CYRIB: variants seen among roughly 807,000 people sequenced by gnomAD.
The protein encoded by CYRIB is CYFIP related Rac1 interactor B.
Under a neutral mutation model 44.2 loss-of-function variants are expected in CYRIB, and 8 were observed. The observed-to-expected ratio is 0.18, with a 90% CI of 0.11 to 0.33. CYRIB has a LOEUF of 0.33. Ranked by LOEUF, CYRIB falls within the 10% of genes least tolerant of loss-of-function variation. The pLI, the probability that CYRIB is intolerant of heterozygous loss-of-function variation, is 1.00. For synonymous variants in CYRIB, 131 were observed against 127.2 expected, an observed-to-expected ratio of 1.03 and a Z score of -0.20; for missense variants, 185 against 382.8, an observed-to-expected ratio of 0.48 and a Z score of 4.31.
chr8:129,887,780 G>A, intron 2 of CYRIB, among the ~76,000 whole-genome samples: 1 of 152,232 alleles, frequency 6.6e-6, no homozygotes, highest in Non-Finnish European at 1.5e-5. Flanking sequence ...TTTCAGATGT[G>A]TATCAGGCTT....
rs112374684 is a variant in CYRIB, at chr8:129,994,272, G to C, written c.-296+22098C>G. Among the ~76,000 whole-genome samples the C allele has an allele frequency of 1.1e-3, 168 of 151,572 alleles. 1 individual carries two copies. Among genetic ancestry groups the C allele is most frequent in the African/African-American group, 3.7e-3 (153 of 41,142 alleles). On this transcript the variant is annotated intron_variant, in intron 1 of 14. Transcript: ENST00000401979. The stretch of plus-strand genomic sequence containing the variant: ...ACTGCCCCAAAACTCCAGAAGCTGG[G>C]GGGGGTGGCATGGAACAGACTCTCC...
chr8:129,848,936 G>A (rs902693388), intron 10 of CYRIB, among the ~76,000 whole-genome samples: 11 of 152,176 alleles, frequency 7.2e-5, no homozygotes, highest in African/African-American at 2.7e-4. Context: ...TTTGGCCAAA[G>A]GAATTAAAGG....
intron 2 of CYRIB, among the ~76,000 whole-genome samples, chr8:129,957,458 A>G (rs1355973126): frequency 6.6e-6 from 1 of 152,258 alleles, no homozygotes; most frequent in African/African-American, 2.4e-5. Context: ...GAAGAAAAGC[A>G]GACACAAGAA....
intron 2 of CYRIB, among the ~76,000 whole-genome samples, chr8:129,880,201 CTAAAT>C (rs1228364203): frequency 6.6e-6 from 1 of 152,170 alleles, no homozygotes; most frequent in African/African-American, 2.4e-5. Flanking sequence ...AAATGAAAAA[CTAAAT>C]TATACATATG....
At chr8:129,887,106 T>C (rs1250783783) in intron 2 of CYRIB, among the ~76,000 whole-genome samples, 1 of 152,136 alleles carries the variant, frequency 6.6e-6, no homozygotes, top group Non-Finnish European at 1.5e-5. Context: ...CAGAGACCTT[T>C]GTGGCAGCCC....
At chr8:129,902,241 A>G (rs1463641874) in intron 2 of CYRIB, among the ~76,000 whole-genome samples, 4 of 152,174 alleles carry the variant, frequency 2.6e-5, no homozygotes, top group Non-Finnish European at 4.4e-5. Flanking sequence ...GTTTTTTGAC[A>G]CAGAGTCTCA....
At chr8:129,920,896 A>G (rs539480290) in intron 1 of CYRIB, among the ~76,000 whole-genome samples, 1 of 152,322 alleles carries the variant, frequency 6.6e-6, no homozygotes, top group East Asian at 1.9e-4. Context: ...GATTTCTTGA[A>G]CAAGAGACAA....
At chr8:129,856,216 A>T (rs2046148680) in intron 5 of CYRIB, among the ~76,000 whole-genome samples, 1 of 152,216 alleles carries the variant, frequency 6.6e-6, no homozygotes, top group Non-Finnish European at 1.5e-5. Flanking sequence ...TCCTTTATTT[A>T]TAACCACAAA....
intron 1 of CYRIB, among the ~76,000 whole-genome samples, chr8:129,988,929 A>C (rs2096553419): frequency 6.6e-6 from 1 of 152,160 alleles, no homozygotes; most frequent in South Asian, 2.1e-4. Flanking sequence ...GTTCATTTCA[A>C]AATAGACCCT....
At chr8:129,849,523 T>C in intron 9 of CYRIB, 154 bp from the exon 12 acceptor site, 2 of 629,984 alleles carry the variant, frequency 3.2e-6, no homozygotes, top group Non-Finnish European at 5.0e-6. Context: ...CACTGATACA[T>C]TCAAATCTTA....
chr8:129,875,841 T>C (rs1253721138), intron 3 of CYRIB, among the ~76,000 whole-genome samples: 1 of 152,070 alleles, frequency 6.6e-6, no homozygotes, highest in Admixed American at 6.5e-5. Flanking sequence ...GGGCCAGGTG[T>C]GGTGGCCCAC....
intron 1 of CYRIB, among the ~76,000 whole-genome samples, chr8:129,978,830 C>T (rs1266597526): frequency 5.3e-5 from 8 of 152,194 alleles, no homozygotes; most frequent in African/African-American, 1.9e-4. Context: ...AACACACACA[C>T]CTTTTTAAAA....
intron 2 of CYRIB, among the ~76,000 whole-genome samples, chr8:129,956,520 C>T (rs555440839): frequency 1.6e-4 from 23 of 146,492 alleles, no homozygotes; most frequent in African/African-American, 5.6e-4. Context: ...TATACACATA[C>T]ATGTCTTTGT....
chr8:129,950,451 T>A (rs1226991384), intron 2 of CYRIB, among the ~76,000 whole-genome samples: 1 of 152,060 alleles, frequency 6.6e-6, no homozygotes, highest in Admixed American at 6.6e-5. Flanking sequence ...GCACCTGTAA[T>A]CTCAGCTACT....
intron 3 of CYRIB, among the ~76,000 whole-genome samples, chr8:129,876,565 T>A (rs1172988697): frequency 1.3e-5 from 2 of 152,162 alleles, no homozygotes; most frequent in African/African-American, 4.8e-5. Flanking sequence ...AGGAGTAAAT[T>A]AAAGGAATAA....
intron 1 of CYRIB, among the ~76,000 whole-genome samples, chr8:129,993,934 A>C (rs1190801737): frequency 6.6e-6 from 1 of 151,610 alleles, no homozygotes; most frequent in East Asian, 1.9e-4. Context: ...CACCATCTGG[A>C]CACCATCATC....
chr8:129,866,787 C>T (rs1239686093), intron 4 of CYRIB, among the ~76,000 whole-genome samples: 1 of 152,196 alleles, frequency 6.6e-6, no homozygotes, highest in Non-Finnish European at 1.5e-5. Context: ...CCTGCCTTGC[C>T]TAGATTTAGA....
intron 3 of CYRIB, among the ~76,000 whole-genome samples, chr8:129,877,043 A>G (rs115575957): frequency 0.043 from 6,511 of 152,308 alleles, 234 homozygotes; most frequent in African/African-American, 0.096. Flanking sequence ...GTAAGCTTTT[A>G]CAAACGCATA....
intron 1 of CYRIB, among the ~76,000 whole-genome samples, chr8:129,993,867 A>T (rs990521703): frequency 1.3e-5 from 2 of 151,906 alleles, no homozygotes; most frequent in Non-Finnish European, 2.9e-5. Flanking sequence ...GTCTCAAAAA[A>T]AAAAAAAGGA....
Sources: allele counts gnomAD v4.1 joint callset (sites outside exome capture counted in the v4.1 genomes callset), GRCh38; gene constraint gnomAD v4.1.1; transcripts MANE v1.5; gene names NCBI Gene and HGNC (gene_info 2026-07-23, HGNC 2026-07-21).